PRDM1: variants seen among roughly 807,000 people sequenced by gnomAD.
The protein encoded by PRDM1 is PR/SET domain 1.
In PRDM1, 13 loss-of-function variants were observed where a neutral mutation model predicts 62.8. That is an observed-to-expected ratio of 0.21 (90% CI 0.13 to 0.33). PRDM1 has a LOEUF of 0.33. PRDM1 is among the 10% of genes least tolerant of loss of function. The probability of loss-of-function intolerance (pLI) is 1.00; values close to 1 mark genes in which losing one functional copy is unlikely to be tolerated. For synonymous variants in PRDM1, 396 were observed against 417.6 expected (o/e 0.95, Z 0.63); for missense variants, 895 against 1,058.8 (o/e 0.85, Z 2.15).
intron 1 of PRDM1, among the ~76,000 whole-genome samples, chr6:106,003,975 T>G (rs1772456379): frequency 6.6e-6 from 1 of 152,180 alleles, no homozygotes; most frequent in African/African-American, 2.4e-5. Context: ...CCTTTCCTTG[T>G]GTAGGTATAT....
At chr6:106,000,050 C>T (rs1582421347) in intron 1 of PRDM1, among the ~76,000 whole-genome samples, 2 of 152,064 alleles carry the variant, frequency 1.3e-5, no homozygotes, top group Admixed American at 6.5e-5. Flanking sequence ...GAGGTTTCAC[C>T]GTGTTAGCCA....
chr6:106,017,410 G>A (rs1772634805), intron 1 of PRDM1, among the ~76,000 whole-genome samples: 1 of 152,196 alleles, frequency 6.6e-6, no homozygotes, highest in South Asian at 2.1e-4. Flanking sequence ...AATGAACACA[G>A]GCTAATAGAA....
At chr6:106,099,904 C>T (rs1281229496) in intron 4 of PRDM1, among the ~76,000 whole-genome samples, 2 of 152,234 alleles carry the variant, frequency 1.3e-5, no homozygotes, top group African/African-American at 4.8e-5. Context: ...ATCTGTGGTA[C>T]TTTGGCAGGG....
At position 106,088,335 on chromosome 6, in the gene PRDM1, A is replaced by T. The variant is rs150589703; in HGVS notation, c.177A>T (p.Thr59=). The T allele has an allele frequency of 6.4e-5, 104 of 1,614,038 alleles. No individual in the cohort carries two copies. The highest frequency in any genetic ancestry group is 8.5e-5 in the Non-Finnish European group (100 of 1,180,048). The stretch of plus-strand genomic sequence containing the variant: ...AGGCTGAGTTTGAAGAGAAGTGTAC[A>T]TACATTGTGAACGACCACCCCTGGG... ...WTEAEFEEKC[T]YIVNDHPWDS... The change falls in exon 2 of 7, where the codon ACA becomes ACT. Residue 59 remains threonine, a synonymous_variant. Coordinates refer to ENST00000369096, the MANE Select transcript of PRDM1 (RefSeq NM_001198.4).
intron 1 of PRDM1, among the ~76,000 whole-genome samples, chr6:106,074,710 C>G (rs779427411): frequency 1.4e-4 from 22 of 152,280 alleles, no homozygotes; most frequent in Non-Finnish European, 1.0e-4. Flanking sequence ...TGCCTTGGCT[C>G]ACATCTGTGA....
intron 1 of PRDM1, among the ~76,000 whole-genome samples, chr6:106,077,455 C>T (rs1382339540): frequency 6.6e-6 from 1 of 152,244 alleles, no homozygotes; most frequent in Non-Finnish European, 1.5e-5. Context: ...TTTCCATAGA[C>T]ACTGCCTGAA....
intron 1 of PRDM1, chr6:106,087,980 CT>C (rs34001545): frequency 0.41 from 57,755 of 140,956 alleles, 11,634 homozygotes; most frequent in African/African-American, 0.56. Flanking sequence ...TTGCCACATT[CT>C]TTTTTTTTTT....
chr6:106,018,135 A>AT (rs1300458231), intron 1 of PRDM1, among the ~76,000 whole-genome samples: 9 of 152,216 alleles, frequency 5.9e-5, no homozygotes, highest in South Asian at 4.2e-4. Flanking sequence ...AAACATCTTG[A>AT]TTTTTTGAGG....
At chr6:106,027,312 A>G (rs1772777774) in intron 1 of PRDM1, among the ~76,000 whole-genome samples, 1 of 152,252 alleles carries the variant, frequency 6.6e-6, no homozygotes, top group South Asian at 2.1e-4. Context: ...ATCCTGCACA[A>G]TGTCCACAGA....
intron 1 of PRDM1, among the ~76,000 whole-genome samples, chr6:106,053,358 T>G (rs540524226): frequency 6.6e-6 from 1 of 152,146 alleles, no homozygotes; most frequent in Non-Finnish European, 1.5e-5. Flanking sequence ...GAAATTAAAA[T>G]TAAAGCAACC....
intron 1 of PRDM1, among the ~76,000 whole-genome samples, chr6:106,079,734 G>T (rs1009551271): frequency 1.3e-5 from 2 of 152,198 alleles, no homozygotes; most frequent in Admixed American, 6.5e-5. Flanking sequence ...GGAGGTGAAG[G>T]TTGCAGCCAG....
intron 1 of PRDM1, among the ~76,000 whole-genome samples, chr6:106,029,364 C>T (rs1772808758): frequency 6.6e-6 from 1 of 152,166 alleles, no homozygotes. Flanking sequence ...CCAGTTGGTC[C>T]AGCACCATAT....
chr6:106,036,010 C>T (rs1011168887), intron 1 of PRDM1, among the ~76,000 whole-genome samples: 4 of 151,810 alleles, frequency 2.6e-5, no homozygotes, highest in African/African-American at 9.7e-5. Flanking sequence ...TCAAGTGACC[C>T]ACCTGCCTCG....
chr6:106,043,349 C>CAGTT (rs1773029700), intron 1 of PRDM1, among the ~76,000 whole-genome samples: 1 of 152,156 alleles, frequency 6.6e-6, no homozygotes, highest in Non-Finnish European at 1.5e-5. Context: ...AAGACTATGT[C>CAGTT]AGTTTTGCTG....
intron 1 of PRDM1, among the ~76,000 whole-genome samples, chr6:106,041,870 C>T (rs1773003440): frequency 6.9e-6 from 1 of 145,892 alleles, no homozygotes; most frequent in Non-Finnish European, 1.5e-5. Flanking sequence ...TATAATGGCA[C>T]TATATTGGCT....
In PRDM1 at chr6:106,099,353, A is replaced by T. The variant is rs751067282; in HGVS notation, c.465A>T (p.Lys155Asn). The change falls in exon 4 of 7, where the codon AAA (lysine) becomes AAT (asparagine). Residue 155 changes from lysine (K) to asparagine (N), a missense_variant. Lys to Asn is a moderately conservative substitution (Grantham distance 94). Coordinates refer to ENST00000369096, the MANE Select transcript of PRDM1 (RefSeq NM_001198.4). ...HHFIDGFNEE[K>N]SNWMRYVNPA... ...TCATTGACGGCTTTAATGAAGAGAAAAGCAACTGGATGCGCTATGTGAATC... is the reference window on the plus strand; with the variant it reads ...TCATTGACGGCTTTAATGAAGAGAATAGCAACTGGATGCGCTATGTGAATC... 5.6e-6 allele frequency: 9 copies of T among 1,614,030 alleles called. No homozygotes were observed. The highest frequency in any genetic ancestry group is 7.6e-6 in the Non-Finnish European group (9 of 1,180,036).
chr6:106,011,846 C>T (rs148909376), intron 1 of PRDM1, among the ~76,000 whole-genome samples: 21 of 151,904 alleles, frequency 1.4e-4, no homozygotes, highest in South Asian at 4.2e-4. Context: ...ACATGCCACA[C>T]GCAAACACAG....
intron 1 of PRDM1, among the ~76,000 whole-genome samples, chr6:106,033,689 G>T (rs560763769): frequency 3.0e-4 from 45 of 152,168 alleles, no homozygotes; most frequent in African/African-American, 9.9e-4. Flanking sequence ...ATTTATAAGG[G>T]ATATTGGTCT....
chr6:106,067,712 G>T (rs888120317), intron 1 of PRDM1, among the ~76,000 whole-genome samples: 2 of 152,164 alleles, frequency 1.3e-5, no homozygotes, highest in Non-Finnish European at 2.9e-5. Context: ...ACCAGGGGCC[G>T]GGGAAAGGGA....
Sources: allele counts gnomAD v4.1 joint callset (sites outside exome capture counted in the v4.1 genomes callset), GRCh38; gene constraint gnomAD v4.1.1; transcripts MANE v1.5; gene names NCBI Gene and HGNC (gene_info 2026-07-23, HGNC 2026-07-21).